Variants in THSD7B observed in about 807,000 individuals in gnomAD.
THSD7B encodes thrombospondin type 1 domain containing 7B.
THSD7B carries 138 observed loss-of-function variants against 213.6 expected under a neutral mutation model. That is an observed-to-expected ratio of 0.65 (90% CI 0.56 to 0.74). The LOEUF is 0.74. Ranked by LOEUF, THSD7B falls within the 30% of genes least tolerant of loss-of-function variation. The probability of loss-of-function intolerance (pLI) is 0.00; values close to 1 mark genes in which losing one functional copy is unlikely to be tolerated. For missense variants in THSD7B, 1,931 were observed against 1,991.5 expected (o/e 0.97, Z 0.58); for synonymous variants, 742 against 687.0 (o/e 1.08, Z -1.25).
chr2:137,583,808 C>T (rs1321345716), intron 17 of THSD7B, among the ~76,000 whole-genome samples: 2 of 152,150 alleles, frequency 1.3e-5, no homozygotes, highest in Non-Finnish European at 2.9e-5. Flanking sequence ...CTTAGATTCT[C>T]TTGGCAATGT....
chr2:137,521,335 G>A (rs921765541), intron 15 of THSD7B, among the ~76,000 whole-genome samples: 2 of 152,160 alleles, frequency 1.3e-5, no homozygotes, highest in Middle Eastern at 3.4e-3. Context: ...GGGGAGGGGG[G>A]GCTGTGACTA....
At chr2:137,130,534 C>T (rs891720093) in intron 5 of THSD7B, among the ~76,000 whole-genome samples, 1 of 125,024 alleles carries the variant, frequency 8.0e-6, no homozygotes, top group African/African-American at 3.0e-5. Flanking sequence ...CCCCCTCCCC[C>T]CACCCCACAG....
intron 10 of THSD7B, among the ~76,000 whole-genome samples, chr2:137,265,525 T>C (rs1682567322): frequency 6.6e-6 from 1 of 152,202 alleles, no homozygotes; most frequent in African/African-American, 2.4e-5. Context: ...GTATGTTTAT[T>C]GCGGCATTAT....
intron 12 of THSD7B, among the ~76,000 whole-genome samples, chr2:137,380,908 C>T (rs1685759274): frequency 6.6e-6 from 1 of 152,212 alleles, no homozygotes; most frequent in Non-Finnish European, 1.5e-5. Flanking sequence ...GTATAATTAC[C>T]CTGCTAACAC....
intron 12 of THSD7B, among the ~76,000 whole-genome samples, chr2:137,337,106 A>T (rs1684655285): frequency 6.6e-6 from 1 of 151,772 alleles, no homozygotes; most frequent in African/African-American, 2.4e-5. Context: ...GATACCTAAT[A>T]ATAATACCTA....
chr2:137,075,799 C>T (rs1284710842), intron 3 of THSD7B, among the ~76,000 whole-genome samples: 1 of 152,144 alleles, frequency 6.6e-6, no homozygotes, highest in Non-Finnish European at 1.5e-5. Context: ...AGTTTTCCTT[C>T]AAACAGACAG....
intron 7 of THSD7B, among the ~76,000 whole-genome samples, chr2:137,219,173 C>T (rs1249302677): frequency 2.0e-5 from 3 of 152,070 alleles, no homozygotes; most frequent in African/African-American, 7.2e-5. Flanking sequence ...AGACCCCTGC[C>T]ATGTTCTGCA....
At chr2:137,276,134 T>C (rs771495420) in intron 12 of THSD7B, 108 bp downstream of exon 12, 39 of 788,032 alleles carry the variant, frequency 4.9e-5, no homozygotes, top group Non-Finnish European at 7.1e-5. Flanking sequence ...TATTATTGGC[T>C]TGAATTATTC....
At chr2:137,365,571 G>T (rs191732901) in intron 12 of THSD7B, among the ~76,000 whole-genome samples, 36 of 152,290 alleles carry the variant, frequency 2.4e-4, no homozygotes, top group African/African-American at 8.4e-4. Flanking sequence ...CCATCAAAAA[G>T]TGGGCAAGGT....
At chr2:137,004,980 A>G (rs1475031223) in intron 2 of THSD7B, among the ~76,000 whole-genome samples, 1 of 152,206 alleles carries the variant, frequency 6.6e-6, no homozygotes, top group Non-Finnish European at 1.5e-5. Context: ...TTCATGCATG[A>G]GTGCATTTTG....
chr2:137,384,625 A>G (rs916748895), intron 12 of THSD7B, among the ~76,000 whole-genome samples: 2 of 152,156 alleles, frequency 1.3e-5, no homozygotes, highest in Non-Finnish European at 1.5e-5. Flanking sequence ...TAGAATCTTG[A>G]GAAGAGATGC....
At chr2:137,531,263 TC>T (rs1680392172) in intron 15 of THSD7B, among the ~76,000 whole-genome samples, 1 of 151,968 alleles carries the variant, frequency 6.6e-6, no homozygotes, top group Admixed American at 6.6e-5. Context: ...AGCAGTCTTA[TC>T]AGAGTGTGAT....
At chr2:137,236,897 G>A (rs897858945) in intron 9 of THSD7B, among the ~76,000 whole-genome samples, 1 of 152,140 alleles carries the variant, frequency 6.6e-6, no homozygotes, top group African/African-American at 2.4e-5. Flanking sequence ...GATCACCTGA[G>A]GTCAGGAGCT....
At chr2:136,918,496 T>G (rs1324055567) in intron 2 of THSD7B, among the ~76,000 whole-genome samples, 1 of 152,196 alleles carries the variant, frequency 6.6e-6, no homozygotes, top group Non-Finnish European at 1.5e-5. Flanking sequence ...GAGCCTGTCC[T>G]TCTTATTTTT....
intron 12 of THSD7B, among the ~76,000 whole-genome samples, chr2:137,374,976 A>G (rs544464992): frequency 2.0e-4 from 31 of 152,312 alleles, no homozygotes; most frequent in African/African-American, 7.2e-4. Context: ...GGACATTGTC[A>G]TGGAACTCTT....
At chr2:137,263,017 C>G (rs12618614) in intron 10 of THSD7B, among the ~76,000 whole-genome samples, 3,803 of 152,136 alleles carry the variant, frequency 0.025, 94 homozygotes, top group Middle Eastern at 0.092. Flanking sequence ...GGTTAGCTCT[C>G]TCTAAATTGG....
At chr2:137,078,216 T>C (rs932818806) in intron 3 of THSD7B, among the ~76,000 whole-genome samples, 1 of 152,220 alleles carries the variant, frequency 6.6e-6, no homozygotes, top group African/African-American at 2.4e-5. Flanking sequence ...CCATGCTGTT[T>C]TGCTTACTGT....
At chr2:137,261,257 G>GA (rs5834543) in intron 10 of THSD7B, among the ~76,000 whole-genome samples, 42,102 of 151,862 alleles carry the variant, frequency 0.28, 6,246 homozygotes, top group South Asian at 0.47. Flanking sequence ...GAGTGGGGTG[G>GA]AAAAAACTTC....
At chr2:137,250,766 G>A (rs2105072865) in intron 10 of THSD7B, among the ~76,000 whole-genome samples, 1 of 152,320 alleles carries the variant, frequency 6.6e-6, no homozygotes, top group East Asian at 1.9e-4. Context: ...GTCACAAAGT[G>A]TGCTATGAAG....
Sources: gnomAD v4.1 joint callset for allele counts (sites outside exome capture counted in the v4.1 genomes callset) on GRCh38, gnomAD v4.1.1 for gene constraint, MANE v1.5 for transcripts, NCBI Gene and HGNC (gene_info 2026-07-23, HGNC 2026-07-21) for gene names.